Variants in RNF220 observed in about 807,000 individuals in gnomAD.
RNF220 encodes ring finger protein 220.
RNF220 carries 7 observed loss-of-function variants against 67.1 expected under a neutral mutation model. The ratio of observed to expected loss-of-function variants is 0.10; its 90% CI spans 0.06 to 0.20. RNF220 has a LOEUF of 0.20. Ranked by LOEUF, RNF220 falls within the 10% of genes least tolerant of loss-of-function variation. The probability of loss-of-function intolerance (pLI) is 1.00; values close to 1 mark genes in which losing one functional copy is unlikely to be tolerated. For missense variants in RNF220, 565 were observed against 740.3 expected (o/e 0.76, Z 2.75); for synonymous variants, 270 against 283.2 (o/e 0.95, Z 0.47).
intron 2 of RNF220, among the ~76,000 whole-genome samples, chr1:44,537,766 T>C (rs1197103342): frequency 2.0e-5 from 3 of 152,202 alleles, no homozygotes; most frequent in Admixed American, 2.0e-4. Context: ...ATCACCTGAA[T>C]GGTACGAAGC....
intron 8 of RNF220, among the ~76,000 whole-genome samples, chr1:44,640,937 G>A (rs1402014302): frequency 1.3e-5 from 2 of 152,154 alleles, no homozygotes; most frequent in Admixed American, 1.3e-4. Flanking sequence ...TGAGGAAATC[G>A]ATGCCTCCTT....
chr1:44,528,299 G>C (rs1200177362), intron 2 of RNF220, among the ~76,000 whole-genome samples: 2 of 151,700 alleles, frequency 1.3e-5, no homozygotes, highest in Admixed American at 6.6e-5. Flanking sequence ...GATACAAATT[G>C]GCAACTTTTT....
chr1:44,461,251 G>A (rs948822215), intron 2 of RNF220, among the ~76,000 whole-genome samples: 2 of 152,088 alleles, frequency 1.3e-5, no homozygotes, highest in African/African-American at 4.8e-5. Flanking sequence ...TATCCTTCTA[G>A]AAGTGGATTT....
intron 2 of RNF220, among the ~76,000 whole-genome samples, chr1:44,488,740 T>TC (rs1430853366): frequency 6.9e-6 from 1 of 144,358 alleles, no homozygotes; most frequent in Non-Finnish European, 1.5e-5. Flanking sequence ...TTTTTTTTTT[T>TC]TTTTTTTTGA....
chr1:44,503,852 T>C (rs1356206102), intron 2 of RNF220, among the ~76,000 whole-genome samples: 1 of 151,796 alleles, frequency 6.6e-6, no homozygotes, highest in Non-Finnish European at 1.5e-5. Context: ...CATCCGTGGG[T>C]TGTTTTTTGT....
chr1:44,492,683 G>A (rs1557978415), intron 2 of RNF220, among the ~76,000 whole-genome samples: 1 of 152,140 alleles, frequency 6.6e-6, no homozygotes, highest in Non-Finnish European at 1.5e-5. Context: ...TGTATTATAT[G>A]ATTCCGTTTA....
intron 2 of RNF220, among the ~76,000 whole-genome samples, chr1:44,416,199 A>G (rs1648514503): frequency 6.6e-6 from 1 of 152,228 alleles, no homozygotes; most frequent in African/African-American, 2.4e-5. Context: ...TGGAGGATGC[A>G]TAATTCCCCA....
chr1:44,425,143 G>A lies in RNF220; in HGVS notation c.625+12421G>A, dbSNP rs1649628592. On this transcript the variant is annotated intron_variant, in intron 2 of 14. Coordinates refer to ENST00000361799, the MANE Select transcript of RNF220 (RefSeq NM_018150.4). ...TGCCACCGGGTAGAAGGTTCAGTGAGCCGTGACTAGGGGCTTGCTCTGAGA... is the reference window on the plus strand; with the variant it reads ...TGCCACCGGGTAGAAGGTTCAGTGAACCGTGACTAGGGGCTTGCTCTGAGA... 1.3e-5 allele frequency among the ~76,000 whole-genome samples: 2 copies of A among 152,222 alleles called. 1 individual carries two copies. Among genetic ancestry groups the A allele is most frequent in the African/African-American group, 4.8e-5 (2 of 41,462 alleles).
At chr1:44,602,128 A>T (rs1397861369) in intron 2 of RNF220, among the ~76,000 whole-genome samples, 1 of 152,098 alleles carries the variant, frequency 6.6e-6, no homozygotes, top group Non-Finnish European at 1.5e-5. Flanking sequence ...GATGACAAGG[A>T]TCTCCAGGAG....
chr1:44,614,977 T>A (rs553438681), intron 3 of RNF220, among the ~76,000 whole-genome samples: 1 of 152,248 alleles, frequency 6.6e-6, no homozygotes, highest in African/African-American at 2.4e-5. Flanking sequence ...AGGAGATGGC[T>A]GATGTCTGCT....
chr1:44,536,721 T>G (rs1661253682), intron 2 of RNF220, among the ~76,000 whole-genome samples: 2 of 152,170 alleles, frequency 1.3e-5, no homozygotes, highest in Non-Finnish European at 2.9e-5. Flanking sequence ...CACCTTTCTT[T>G]ATTCCGCCCA....
At chr1:44,636,729 G>A (rs1028214499) in intron 8 of RNF220, among the ~76,000 whole-genome samples, 2 of 152,202 alleles carry the variant, frequency 1.3e-5, no homozygotes, top group Non-Finnish European at 2.9e-5. Context: ...CTCCCTGGGC[G>A]CCCTCTGCCC....
rs1393957541 is a variant in RNF220 at position 44,644,686 on chromosome 1, T to C, written c.1127-12T>C. ...TTGTCCCCAGGCCCTCCTCACACCC[T>C]GCTTCCCACAGGCTCTGGCTTCATC... On this transcript the variant is annotated splice_polypyrimidine_tract_variant and intron_variant, in intron 8 of 14. Transcript: ENST00000361799. 1 of 1,612,726 alleles carries C rather than the reference T, an allele frequency of 6.2e-7. No individual in the cohort carries two copies. Among genetic ancestry groups the C allele is most frequent in the African/African-American group, 1.3e-5 (1 of 74,882 alleles).
At chr1:44,488,727 C>CTTTTTTTTTT (rs55968850) in intron 2 of RNF220, among the ~76,000 whole-genome samples, 10 of 102,568 alleles carry the variant, frequency 9.7e-5, no homozygotes, top group South Asian at 3.5e-4. Flanking sequence ...TTTCTTTTTT[C>CTTTTTTTTTT]TTTTTTTTTT....
At chr1:44,481,421 C>T (rs1050798213) in intron 2 of RNF220, among the ~76,000 whole-genome samples, 22 of 152,076 alleles carry the variant, frequency 1.4e-4, no homozygotes, top group African/African-American at 4.1e-4. Context: ...TCATCCTCAG[C>T]AAACTAACAC....
rs1644703066 is a variant in RNF220 at position 44,648,293 on chromosome 1, A to T, written c.1446-1368A>T. Reference sequence around the variant, plus strand: ...TTTGTATATAAAATGGAGATATTAGAATCTTATGGGGTTTTTGTAAGGTGT... The same window carrying T: ...TTTGTATATAAAATGGAGATATTAGTATCTTATGGGGTTTTTGTAAGGTGT... On this transcript the variant is annotated intron_variant, in intron 12 of 14. Coordinates refer to ENST00000361799, the MANE Select transcript of RNF220 (RefSeq NM_018150.4). The T allele has an allele frequency of 2.0e-5, 3 of 152,328 alleles. No homozygotes were observed. The South Asian group carries it at 6.2e-4, about 32-fold the overall frequency. The allele number at this position is 152,328 out of a possible 1,614,324, so 9.4% of individuals were successfully genotyped here.
Position 44,636,019 on chromosome 1 carries a change from G to T in RNF220, c.994-11G>T, listed in dbSNP as rs752395059. The stretch of plus-strand genomic sequence containing the variant: ...CCTGGGCCCAGCATGATCCTGCTCT[G>T]CTCTTCACAGAGGGAAGGCTCCTGC... On this transcript the variant is annotated splice_polypyrimidine_tract_variant and intron_variant, in intron 7 of 14. Transcript: ENST00000361799. 5.5e-5 allele frequency: 89 copies of T among 1,614,114 alleles called. No homozygotes were observed. Among genetic ancestry groups the T allele is most frequent in the Non-Finnish European group, 6.9e-5 (82 of 1,180,038 alleles).
At chr1:44,410,870 T>C (rs1190600522) in intron 1 of RNF220, among the ~76,000 whole-genome samples, 1 of 152,118 alleles carries the variant, frequency 6.6e-6, no homozygotes, top group Admixed American at 6.5e-5. Flanking sequence ...GCTTTTGATA[T>C]ATAGCCCTTC....
chr1:44,634,097 G>A (rs542911234), intron 6 of RNF220, among the ~76,000 whole-genome samples: 3 of 152,294 alleles, frequency 2.0e-5, no homozygotes, highest in African/African-American at 7.2e-5. Context: ...GGTCTTTCTG[G>A]GGTTGCTCTG....
Sources: gnomAD v4.1 joint callset for allele counts (sites outside exome capture counted in the v4.1 genomes callset) on GRCh38, gnomAD v4.1.1 for gene constraint, MANE v1.5 for transcripts, NCBI Gene and HGNC (gene_info 2026-07-23, HGNC 2026-07-21) for gene names.